PAPLN: variants seen among roughly 807,000 people sequenced by gnomAD.
PAPLN encodes papilin, proteoglycan like sulfated glycoprotein.
Under a neutral mutation model 159.0 loss-of-function variants are expected in PAPLN, and 146 were observed. The observed-to-expected ratio is 0.92, with a 90% CI of 0.80 to 1.05. PAPLN has a LOEUF of 1.05. Ranked by LOEUF, PAPLN falls within the 50% of genes least tolerant of loss-of-function variation. PAPLN has a pLI of 0.00. For missense variants in PAPLN, 1,720 were observed against 1,743.9 expected, an observed-to-expected ratio of 0.99 and a Z score of 0.24; for synonymous variants, 734 against 702.9, an observed-to-expected ratio of 1.04 and a Z score of -0.70.
intron 26 of PAPLN, among the ~76,000 whole-genome samples, chr14:73,270,187 G>A (rs1016857835): frequency 3.3e-5 from 5 of 151,936 alleles, no homozygotes; most frequent in Admixed American, 6.6e-5. Flanking sequence ...CCACCGTCTC[G>A]CTCCGCCCAC....
At chr14:73,262,329 T>C (rs777194538) in intron 18 of PAPLN, 21 bp from the exon 19 acceptor site, 88 of 1,591,064 alleles carry the variant, frequency 5.5e-5, no homozygotes, top group Non-Finnish European at 7.0e-5. Context: ...CAGTGACTTA[T>C]ATCACACCCA....
chr14:73,248,189 C>CGTG (rs1884820623), intron 5 of PAPLN, among the ~76,000 whole-genome samples: 1 of 56,844 alleles, frequency 1.8e-5, no homozygotes. Flanking sequence ...GTGTGTGTGT[C>CGTG]TGTGTGTGTT....
At chr14:73,269,158 A>G (rs539633441) in intron 26 of PAPLN, among the ~76,000 whole-genome samples, 1 of 152,344 alleles carries the variant, frequency 6.6e-6, no homozygotes, top group East Asian at 1.9e-4. Context: ...CATATAACCC[A>G]GAAAGGAAAG....
rs1019678801 is a variant in PAPLN, at chr14:73,266,796, G to C, written c.3465G>C (p.Val1155=). ...PEGDTARLLC[V]VAGESVNIRW... ...GTGATACGGCCAGGCTATTGTGTGT[G>C]GTAGCAGGAGAAAGTGTGAACATCA... The change falls in exon 25 of 27, where the codon GTG becomes GTC. Residue 1155 remains valine (V), a synonymous_variant. Transcript: ENST00000644200. 1 of 1,613,602 alleles carries C rather than the reference G, an allele frequency of 6.2e-7. No homozygotes were observed. The highest frequency in any genetic ancestry group is 8.5e-7 in the Non-Finnish European group (1 of 1,179,760).
In PAPLN at chr14:73,266,591, G is replaced by A; in HGVS notation, c.3354G>A (p.Gln1118=). 1 of 1,614,198 alleles carries A rather than the reference G, an allele frequency of 6.2e-7. No individual in the cohort carries two copies. Among genetic ancestry groups the A allele is most frequent in the Non-Finnish European group, 8.5e-7 (1 of 1,180,038 alleles). Reference sequence around the variant, plus strand: ...ACACCTGTGTCGCTTTCAATGGGCAGGACCGAGACCAGCGATGGGTCCAGC... The same window carrying A: ...ACACCTGTGTCGCTTTCAATGGGCAAGACCGAGACCAGCGATGGGTCCAGC... The part of the protein sequence containing the change: ...GFYTCVAFNG[Q]DRDQRWVQLR... Residue 1118 remains glutamine (Q), a synonymous_variant, in exon 24 of 27, where the codon CAG becomes CAA. Transcript: ENST00000644200.
chr14:73,254,782 G>T, intron 13 of PAPLN, 87 bp downstream of exon 13: 2 of 1,588,470 alleles, frequency 1.3e-6, no homozygotes, highest in Middle Eastern at 4.1e-4. Flanking sequence ...GACCTGACAC[G>T]CGCCACTGGG....
rs948671892 is a variant in PAPLN, at chr14:73,266,965, G to T, written c.3500+134G>T. The T allele has an allele frequency of 1.3e-5, 11 of 816,196 alleles. No homozygotes were observed. The East Asian group carries it at 2.7e-4, about 20-fold the overall frequency. The allele number at this position is 816,196 out of a possible 1,614,324, so 50.6% of individuals were successfully genotyped here. On this transcript the variant is annotated intron_variant, in intron 25 of 26. Coordinates refer to ENST00000644200, the MANE Select transcript of PAPLN (RefSeq NM_001365906.3). ...CTTCCAGGCCTGGTGCCAGGGGAGA[G>T]GGCTGCAGCACCCTCATCCCTACAG...
chr14:73,236,090 C>A (rs74061009), upstream of PAPLN, among the ~76,000 whole-genome samples: 917 of 147,662 alleles, frequency 6.2e-3, 16 homozygotes, highest in African/African-American at 0.022. Context: ...CCACCCCCAA[C>A]CTCTCCCCAA....
chr14:73,260,853 G>A lies in PAPLN; in HGVS notation c.2106+24G>A, dbSNP rs979186844. 4.0e-6 allele frequency: 6 copies of A among 1,495,050 alleles called. No individual in the cohort carries two copies. In the African/African-American group the frequency reaches 5.6e-5, roughly 14 times the overall value. 92.6% of individuals were successfully genotyped at this position (1,495,050 alleles called of 1,614,324 possible). Reference sequence around the variant, plus strand: ...CAGTAAGTGTCTGGCCTGGGGGAGGGGAGCAGGGGGCCAGCCCGTGAGCCT... The same window carrying A: ...CAGTAAGTGTCTGGCCTGGGGGAGGAGAGCAGGGGGCCAGCCCGTGAGCCT... On this transcript the variant is annotated intron_variant, in intron 17 of 26. Coordinates refer to ENST00000644200, the MANE Select transcript of PAPLN (RefSeq NM_001365906.3).
Position 73,250,973 on chromosome 14 carries a change from G to C in PAPLN, c.532G>C (p.Asp178His). ...QEDKCLRCGG[D>H]GTTCYPVAGT... ...GGACAAGTGTCTGCGGTGTGGGGGT[G>C]ACGGCACGACCTGCTACCCCGTCGC... The change falls in exon 7 of 27, where the codon GAC (aspartate) becomes CAC (histidine). Residue 178 changes from aspartate to histidine, a missense_variant. Physicochemically the swap from Asp to His is moderately conservative, Grantham distance 81. Coordinates refer to ENST00000644200, the MANE Select transcript of PAPLN (RefSeq NM_001365906.3). The C allele has an allele frequency of 6.2e-7, 1 of 1,613,768 alleles. No individual in the cohort carries two copies. The highest frequency in any genetic ancestry group is 8.5e-7 in the Non-Finnish European group (1 of 1,179,944).
chr14:73,247,497 A>C (rs976691218), intron 5 of PAPLN, among the ~76,000 whole-genome samples: 3 of 151,010 alleles, frequency 2.0e-5, no homozygotes, highest in African/African-American at 7.3e-5. Flanking sequence ...GGCATGGCCC[A>C]GTGGGAGTCT....
Position 73,249,980 on chromosome 14 carries a change from C to A in PAPLN, c.335-4C>A. 1.2e-6 allele frequency: 2 copies of A among 1,601,394 alleles called. No homozygotes were observed. The highest frequency in any genetic ancestry group is 1.7e-6 in the Non-Finnish European group (2 of 1,173,392). On this transcript the variant is annotated splice_polypyrimidine_tract_variant and splice_region_variant and intron_variant, in intron 5 of 26. Transcript: ENST00000644200. The stretch of plus-strand genomic sequence containing the variant: ...TCTCAGTCTTGCCTTCCTGCCCACC[C>A]CAGCCCCAAACAAGTGTGAACTGAA...
At chr14:73,248,367 T>G (rs1884855087) in intron 5 of PAPLN, among the ~76,000 whole-genome samples, 1 of 152,202 alleles carries the variant, frequency 6.6e-6, no homozygotes, top group East Asian at 1.9e-4. Flanking sequence ...AAAAATAATT[T>G]GATTATAGTC....
In PAPLN at chr14:73,265,556, C is replaced by A; in HGVS notation, c.3263+49C>A. 6.3e-7 allele frequency: 1 copy of A among 1,595,802 alleles called. No homozygotes were observed. Reference sequence around the variant, plus strand: ...CCTCCTATTCTGCCTCCAGCCCCACCTTATCCTATGGAGGCCACCGGGGAA... The same window carrying A: ...CCTCCTATTCTGCCTCCAGCCCCACATTATCCTATGGAGGCCACCGGGGAA... On this transcript the variant is annotated intron_variant, in intron 23 of 26. Coordinates refer to ENST00000644200, the MANE Select transcript of PAPLN (RefSeq NM_001365906.3). The surrounding 1 kb of genome is among the most constrained non-coding windows in gnomAD (Gnocchi z 4.1).
intron 14 of PAPLN, among the ~76,000 whole-genome samples, chr14:73,258,000 A>G (rs1274905867): frequency 6.6e-6 from 1 of 152,106 alleles, no homozygotes; most frequent in African/African-American, 2.4e-5. Context: ...CCTGACCTCA[A>G]GTGATCCTCC....
intron 5 of PAPLN, 90 bp downstream of exon 5, chr14:73,246,265 C>A: frequency 9.9e-7 from 1 of 1,013,888 alleles, no homozygotes; most frequent in Non-Finnish European, 1.4e-6. Context: ...GAGGCGTTGT[C>A]ATATATATAT....
intron 26 of PAPLN, 64 bp from the exon 27 acceptor site, chr14:73,272,431 G>A (rs1055297): frequency 7.2e-7 from 1 of 1,384,982 alleles, no homozygotes; most frequent in Non-Finnish European, 9.6e-7. Context: ...TGAAATGGCA[G>A]GTGAGAATTT....
At chr14:73,253,205 C>T in intron 11 of PAPLN, 1 of 1,360,046 alleles carries the variant, frequency 7.4e-7, no homozygotes, top group Non-Finnish European at 9.7e-7. Context: ...CTTGCTGGGG[C>T]CCAGCGAGTG....
At chr14:73,239,485 T>A in intron 1 of PAPLN, 1 of 438,804 alleles carries the variant, frequency 2.3e-6, no homozygotes, top group South Asian at 4.3e-5. Flanking sequence ...CATAGAAGTA[T>A]TTTTAATTGC....
Sources: gnomAD v4.1 joint callset for allele counts (sites outside exome capture counted in the v4.1 genomes callset) on GRCh38, gnomAD v4.1.1 for gene constraint, Gnocchi (gnomAD v3.1) non-coding constraint, MANE v1.5 for transcripts, NCBI Gene and HGNC (gene_info 2026-07-23, HGNC 2026-07-21) for gene names.